The following CNTNAP2 variants were observed in gnomAD, a reference collection of about 807,000 sequenced individuals.
CNTNAP2 encodes the protein contactin associated protein 2.
A neutral mutation model predicts 155.2 loss-of-function variants in CNTNAP2; 98 were observed. That is an observed-to-expected ratio of 0.63 (90% CI 0.54 to 0.75). The LOEUF (loss-of-function observed/expected upper bound fraction) is 0.75. CNTNAP2 is among the 30% of genes least tolerant of loss of function. CNTNAP2 has a pLI of 0.00. For missense variants in CNTNAP2, 1,727 were observed against 1,688.1 expected, an observed-to-expected ratio of 1.02 and a Z score of -0.40; for synonymous variants, 651 against 631.2, an observed-to-expected ratio of 1.03 and a Z score of -0.47.
chr7:148,147,450 G>A, intron 16 of CNTNAP2, 41 bp from the exon 17 acceptor site: 1 of 1,578,470 alleles, frequency 6.3e-7, no homozygotes, highest in Non-Finnish European at 8.7e-7. Flanking sequence ...TGGTATCTGG[G>A]AGAAAAATAC....
At chr7:147,451,290 T>A (rs921765429) in intron 10 of CNTNAP2, among the ~76,000 whole-genome samples, 1 of 152,206 alleles carries the variant, frequency 6.6e-6, no homozygotes. Context: ...TTTGTCAATT[T>A]CTTAACAAGT....
chr7:146,461,552 G>T (rs1337800134), intron 1 of CNTNAP2, among the ~76,000 whole-genome samples: 4 of 152,116 alleles, frequency 2.6e-5, no homozygotes, highest in Middle Eastern at 3.2e-3. Context: ...AAATAAATGT[G>T]ATTCTCACAG....
At chr7:146,908,834 A>G (rs1357714713) in intron 3 of CNTNAP2, among the ~76,000 whole-genome samples, 1 of 128,708 alleles carries the variant, frequency 7.8e-6, no homozygotes. Context: ...AGACACAAAA[A>G]ACCCTTCAAA....
chr7:147,512,783 A>C (rs929140907), intron 11 of CNTNAP2, among the ~76,000 whole-genome samples: 1 of 152,186 alleles, frequency 6.6e-6, no homozygotes, highest in Admixed American at 6.5e-5. Context: ...ATAATAAGAC[A>C]GAGTTACAAA....
intron 15 of CNTNAP2, among the ~76,000 whole-genome samples, chr7:148,077,039 G>C (rs937725539): frequency 6.6e-6 from 1 of 152,092 alleles, no homozygotes. Flanking sequence ...GGGGCATGGT[G>C]GGTCACGTCT....
intron 8 of CNTNAP2, among the ~76,000 whole-genome samples, chr7:147,220,642 T>C (rs199581947): frequency 6.6e-6 from 1 of 152,228 alleles, no homozygotes; most frequent in East Asian, 1.9e-4. Flanking sequence ...TTTCTGCCTT[T>C]TGTAGTTTCA....
chr7:146,812,440 T>TAA (rs199849377), intron 2 of CNTNAP2, among the ~76,000 whole-genome samples: 4 of 139,492 alleles, frequency 2.9e-5, no homozygotes, highest in African/African-American at 5.9e-5. Flanking sequence ...TATATATATA[T>TAA]AAAAAATATA....
chr7:148,022,883 CTT>C (rs1477242816), intron 15 of CNTNAP2, among the ~76,000 whole-genome samples: 7 of 152,034 alleles, frequency 4.6e-5, no homozygotes, highest in Admixed American at 4.6e-4. Context: ...GAAAGAGTGT[CTT>C]CATGCTTGAA....
chr7:147,523,148 G>A (rs1262917693), intron 11 of CNTNAP2, among the ~76,000 whole-genome samples: 1 of 152,176 alleles, frequency 6.6e-6, no homozygotes, highest in Non-Finnish European at 1.5e-5. Flanking sequence ...AGGCCCAAGA[G>A]GGTAAAGATC....
intron 14 of CNTNAP2, among the ~76,000 whole-genome samples, chr7:147,925,661 C>T (rs948403870): frequency 6.6e-6 from 1 of 152,062 alleles, no homozygotes; most frequent in African/African-American, 2.4e-5. Context: ...TGGGGTTTCA[C>T]CATGTTAGCC....
chr7:147,326,045 C>T (rs1010303433), intron 9 of CNTNAP2, among the ~76,000 whole-genome samples: 5 of 152,096 alleles, frequency 3.3e-5, no homozygotes, highest in Non-Finnish European at 5.9e-5. Context: ...GCCTCAGCCT[C>T]CCCAGTAGCT....
At chr7:147,438,095 C>T (rs778121754) in intron 10 of CNTNAP2, among the ~76,000 whole-genome samples, 7 of 152,014 alleles carry the variant, frequency 4.6e-5, no homozygotes, top group Non-Finnish European at 1.0e-4. Flanking sequence ...AATTTGAATG[C>T]CGTTTATCTC....
At position 146,981,154 on chromosome 7, in the gene CNTNAP2, C is replaced by G. The variant is rs17170299; in HGVS notation, c.403-62753C>G. Among the ~76,000 whole-genome samples, 509 of 152,174 alleles carry G rather than the reference C, an allele frequency of 3.3e-3. 7 individuals carry two copies. The highest frequency in any genetic ancestry group is 0.011 in the African/African-American group (462 of 41,520). On this transcript the variant is annotated intron_variant, in intron 3 of 23. Transcript: ENST00000361727. ...TTCTGTGATACTTTAGAAATTTGTG[C>G]AACTAAGTCATTTTTCACTTCATAA... is the stretch of plus-strand genomic sequence containing the variant.
intron 3 of CNTNAP2, among the ~76,000 whole-genome samples, chr7:146,975,646 C>T (rs10282563): frequency 0.015 from 2,210 of 152,218 alleles, 47 homozygotes; most frequent in African/African-American, 0.049. Context: ...ACCCTAGACA[C>T]ACAGACAATA....
chr7:146,924,624 T>C (rs1796568209), intron 3 of CNTNAP2, among the ~76,000 whole-genome samples: 1 of 152,044 alleles, frequency 6.6e-6, no homozygotes. Flanking sequence ...AGGTGATAAA[T>C]AGAGTAATAG....
At chr7:146,758,665 T>C (rs1422446505) in intron 1 of CNTNAP2, among the ~76,000 whole-genome samples, 1 of 152,146 alleles carries the variant, frequency 6.6e-6, no homozygotes, top group East Asian at 1.9e-4. Flanking sequence ...GTGATAGTTA[T>C]TATGATCAAA....
At chr7:146,760,187 G>GC in intron 1 of CNTNAP2, among the ~76,000 whole-genome samples, 1 of 151,926 alleles carries the variant, frequency 6.6e-6, no homozygotes. Context: ...AGGTAAATGA[G>GC]CCCAAATCCA....
At chr7:146,612,433 CTTTAAAAGTA>C in intron 1 of CNTNAP2, among the ~76,000 whole-genome samples, 1 of 151,998 alleles carries the variant, frequency 6.6e-6, no homozygotes, top group South Asian at 2.1e-4. Context: ...TTGTTACTTA[CTTTAAAAGTA>C]TTTAAAAGAG....
chr7:147,545,767 A>G (rs1212030096), intron 11 of CNTNAP2, among the ~76,000 whole-genome samples: 4 of 152,118 alleles, frequency 2.6e-5, no homozygotes, highest in Admixed American at 2.6e-4. Context: ...TGCATCACTG[A>G]TATGATTTGA....
Sources: gnomAD v4.1 joint callset for allele counts (sites outside exome capture counted in the v4.1 genomes callset) on GRCh38, gnomAD v4.1.1 for gene constraint, MANE v1.5 for transcripts, NCBI Gene and HGNC (gene_info 2026-07-23, HGNC 2026-07-21) for gene names.